Variants in SUGCT observed in about 807,000 individuals in gnomAD.
SUGCT encodes succinyl-CoA:glutarate-CoA transferase.
In SUGCT, 41 loss-of-function variants were observed where a neutral mutation model predicts 55.0. The observed-to-expected ratio is 0.74, with a 90% CI of 0.58 to 0.97. The LOEUF is 0.97. SUGCT is among the 50% of genes least tolerant of loss of function. The pLI, the probability that SUGCT is intolerant of heterozygous loss-of-function variation, is 0.00. For synonymous variants in SUGCT, 187 were observed against 200.4 expected, an observed-to-expected ratio of 0.93 and a Z score of 0.56; for missense variants, 568 against 547.8, an observed-to-expected ratio of 1.04 and a Z score of -0.37.
chr7:40,389,496 T>C (rs969545309), intron 9 of SUGCT, among the ~76,000 whole-genome samples: 1 of 139,470 alleles, frequency 7.2e-6, no homozygotes, highest in South Asian at 2.4e-4. Flanking sequence ...TTACCGAACA[T>C]ATACCTTACT....
intron 12 of SUGCT, among the ~76,000 whole-genome samples, chr7:40,528,991 T>G (rs1793945067): frequency 6.6e-6 from 1 of 152,168 alleles, no homozygotes; most frequent in African/African-American, 2.4e-5. Context: ...AAATTAGAAC[T>G]CGATATGGGG....
At chr7:40,215,582 G>C (rs1464102429) in intron 6 of SUGCT, among the ~76,000 whole-genome samples, 1 of 152,172 alleles carries the variant, frequency 6.6e-6, no homozygotes, top group Non-Finnish European at 1.5e-5. Context: ...AAGAGATTAG[G>C]CCGGGCATGG....
At chr7:40,394,435 C>T (rs1250627675) in intron 9 of SUGCT, among the ~76,000 whole-genome samples, 1 of 152,008 alleles carries the variant, frequency 6.6e-6, no homozygotes, top group Non-Finnish European at 1.5e-5. Context: ...GCCCATCTTC[C>T]AATAAAATTT....
intron 9 of SUGCT, among the ~76,000 whole-genome samples, chr7:40,318,709 T>A (rs1185139841): frequency 6.6e-6 from 1 of 152,216 alleles, no homozygotes; most frequent in African/African-American, 2.4e-5. Context: ...AGTACTGGGA[T>A]TACAGGCATG....
chr7:40,958,865 G>A, the SUGCT span, among the ~76,000 whole-genome samples: 2 of 152,088 alleles, frequency 1.3e-5, no homozygotes, highest in African/African-American at 4.8e-5. Flanking sequence ...CATCCTTTTT[G>A]TTGATGTTGA....
In SUGCT at chr7:40,655,779, A is replaced by G. The variant is rs553608784; in HGVS notation, c.1090-93655A>G. The stretch of plus-strand genomic sequence containing the variant: ...CCAGGAGATACATTTCAAGAACTGT[A>G]TTAAACCACAACAATAAACTTTTTT... On this transcript the variant is annotated intron_variant, in intron 12 of 13. Coordinates refer to ENST00000335693, the MANE Select transcript of SUGCT (RefSeq NM_001193313.2). Among the ~76,000 whole-genome samples the G allele has an allele frequency of 2.6e-4, 40 of 152,366 alleles. 1 individual carries two copies. The South Asian group carries it at 4.4e-3, about 17-fold the overall frequency.
chr7:40,745,045 G>T (rs1039223177), intron 12 of SUGCT, among the ~76,000 whole-genome samples: 1 of 152,134 alleles, frequency 6.6e-6, no homozygotes, highest in African/African-American at 2.4e-5. Context: ...TTTAATGCAG[G>T]TTCATTCATC....
At chr7:40,175,729 A>T (rs1486762563) in intron 1 of SUGCT, among the ~76,000 whole-genome samples, 1 of 152,094 alleles carries the variant, frequency 6.6e-6, no homozygotes, top group East Asian at 1.9e-4. Context: ...GATCACCAAC[A>T]AAAAGCACAA....
chr7:40,580,232 G>A (rs370719945), intron 12 of SUGCT, among the ~76,000 whole-genome samples: 1 of 152,036 alleles, frequency 6.6e-6, no homozygotes, highest in East Asian at 1.9e-4. Flanking sequence ...AATACTGTGT[G>A]TATATAGTAC....
chr7:40,244,429 A>G lies in SUGCT; in HGVS notation c.576+6703A>G, dbSNP rs542696808. Among the ~76,000 whole-genome samples, 5 of 152,296 alleles carry G rather than the reference A, an allele frequency of 3.3e-5. No individual in the cohort carries two copies. In the South Asian group the frequency reaches 8.3e-4, roughly 25 times the overall value. Reference sequence around the variant, plus strand: ...GCTGAGAGTTAAGGTTTCAGGACATAAGGGGAAGGTTGCTTTAGGCCTTAC... The same window carrying G: ...GCTGAGAGTTAAGGTTTCAGGACATGAGGGGAAGGTTGCTTTAGGCCTTAC... On this transcript the variant is annotated intron_variant, in intron 7 of 13. Coordinates refer to ENST00000335693, the MANE Select transcript of SUGCT (RefSeq NM_001193313.2).
At chr7:40,193,563 G>T (rs1314330499) in intron 5 of SUGCT, among the ~76,000 whole-genome samples, 1 of 151,556 alleles carries the variant, frequency 6.6e-6, no homozygotes, top group Non-Finnish European at 1.5e-5. Context: ...GGGATTTACA[G>T]GTGTGAGCCA....
intron 8 of SUGCT, among the ~76,000 whole-genome samples, chr7:40,315,537 G>A (rs570568356): frequency 2.6e-5 from 4 of 152,206 alleles, no homozygotes; most frequent in Non-Finnish European, 4.4e-5. Context: ...ACATAAAAGT[G>A]AGTTTAAGTC....
At chr7:40,140,246 ATTC>A (rs1787914635) in intron 1 of SUGCT, among the ~76,000 whole-genome samples, 1 of 151,998 alleles carries the variant, frequency 6.6e-6, no homozygotes, top group Non-Finnish European at 1.5e-5. Context: ...ATCCAGTTTC[ATTC>A]TTCTGCATAT....
chr7:40,170,036 AT>A (rs1784599029), intron 1 of SUGCT, among the ~76,000 whole-genome samples: 1 of 152,136 alleles, frequency 6.6e-6, no homozygotes, highest in African/African-American at 2.4e-5. Flanking sequence ...TCATTGAATA[AT>A]TTATAGGCTT....
chr7:40,556,438 T>G (rs576566470), intron 12 of SUGCT, among the ~76,000 whole-genome samples: 1 of 152,212 alleles, frequency 6.6e-6, no homozygotes, highest in African/African-American at 2.4e-5. Flanking sequence ...CAGTCCTGCT[T>G]TCCTTATTCC....
At chr7:40,715,492 A>AAAAC (rs1253925339) in intron 12 of SUGCT, among the ~76,000 whole-genome samples, 2 of 152,216 alleles carry the variant, frequency 1.3e-5, no homozygotes, top group Non-Finnish European at 2.9e-5. Flanking sequence ...CATTTTCCAT[A>AAAAC]AAACAAACAA....
chr7:40,304,029 A>G (rs1019374004), intron 8 of SUGCT, among the ~76,000 whole-genome samples: 7 of 151,068 alleles, frequency 4.6e-5, no homozygotes, highest in Admixed American at 4.6e-4. Context: ...AGCTTGGGCA[A>G]CAGAGTGAGA....
At chr7:40,531,918 C>T (rs1583911816) in intron 12 of SUGCT, among the ~76,000 whole-genome samples, 1 of 152,178 alleles carries the variant, frequency 6.6e-6, no homozygotes, top group Non-Finnish European at 1.5e-5. Context: ...TCATGATCCG[C>T]CTGCCTCGGC....
At chr7:40,950,034 A>G in the SUGCT span, among the ~76,000 whole-genome samples, 13 of 152,230 alleles carry the variant, frequency 8.5e-5, no homozygotes, top group South Asian at 4.1e-4. Flanking sequence ...TGAATCTATA[A>G]ATTACCTTGG....
Sources: gnomAD v4.1 joint callset for allele counts (sites outside exome capture counted in the v4.1 genomes callset) on GRCh38, gnomAD v4.1.1 for gene constraint, MANE v1.5 for transcripts, NCBI Gene and HGNC (gene_info 2026-07-23, HGNC 2026-07-21) for gene names.